The following ZNF281 variants were observed in gnomAD, a reference collection of about 807,000 sequenced individuals.
The protein encoded by ZNF281 is zinc finger protein 281.
ZNF281 carries 2 observed loss-of-function variants against 58.8 expected under a neutral mutation model. The observed-to-expected ratio is 0.03, with a 90% CI of 0.01 to 0.11. The LOEUF (loss-of-function observed/expected upper bound fraction) is 0.11, where lower values mean the gene tolerates loss of function less well. ZNF281 is among the 10% of genes least tolerant of loss of function. ZNF281 has a pLI of 1.00. For missense variants in ZNF281, 975 were observed against 1,090.7 expected, an observed-to-expected ratio of 0.89 and a Z score of 1.49; for synonymous variants, 465 against 407.7, an observed-to-expected ratio of 1.14 and a Z score of -1.69.
intron 1 of ZNF281, 58 bp from the exon 2 acceptor site, chr1:200,409,781 G>C: frequency 6.6e-7 from 1 of 1,512,742 alleles, no homozygotes; most frequent in Non-Finnish European, 8.8e-7. Context: ...CCGGGCCCCG[G>C]GCCGGGACCA....
At position 200,408,283 on chromosome 1, in the gene ZNF281, T is replaced by C. The variant is rs1385771418; in HGVS notation, c.1423A>G (p.Thr475Ala). The part of the protein sequence containing the change: ...LIFKKGSRKN[T>A]DKNYLNFVSP... ...ACAAAGTTAAGGTAGTTTTTATCTG[T>C]ATTCTTTCTGCTTCCTTTCTTAAAG... The change falls in exon 2 of 2, where the codon ACA becomes GCA. Residue 475 changes from threonine to alanine, a missense_variant. Around this residue, in one of 3 missense-constraint regions of ZNF281, gnomAD observed 579 missense variants for 608.9 expected, o/e 0.95. Transcript: ENST00000367353. 7 of 1,611,668 alleles carry C rather than the reference T, an allele frequency of 4.3e-6. No individual in the cohort carries two copies. Among genetic ancestry groups the C allele is most frequent in the Non-Finnish European group, 5.9e-6 (7 of 1,180,024 alleles).
rs1654559140 is a variant in ZNF281, at chr1:200,409,583, C to T, written c.123G>A (p.Glu41=). ...TACCCTGGGGAAAGGTGGGTTCCAT[C>T]TCTGCCCTCCTGCCGCTGCTGCCGC... The part of the protein sequence containing the change: ...GGGGSSGRRA[E]MEPTFPQGMV... Residue 41 remains glutamate, a synonymous_variant, in exon 2 of 2, where the codon GAG becomes GAA. Coordinates refer to ENST00000367353, the MANE Select transcript of ZNF281 (RefSeq NM_001281293.2). 1 of 1,549,424 alleles carries T rather than the reference C, an allele frequency of 6.5e-7. No individual in the cohort carries two copies. Among genetic ancestry groups the T allele is most frequent in the Middle Eastern group, 1.8e-4 (1 of 5,456 alleles).
In ZNF281 at chr1:200,405,729, A is replaced by T. The variant is rs1654430618; in HGVS notation, c.*1289T>A. The T allele has an allele frequency of 1.3e-5, 2 of 152,242 alleles. No individual in the cohort carries two copies. The highest frequency in any genetic ancestry group is 2.9e-5 in the Non-Finnish European group (2 of 68,036). The allele number at this position is 152,242 out of a possible 1,614,324, so 9.4% of individuals were successfully genotyped here. On this transcript the variant is annotated 3_prime_UTR_variant, in exon 2 of 2. Transcript: ENST00000367353. ...TACATTAAAGGCCGCAATTTCACAA[A>T]GAGGTTCTGATGTTATTACTATAAG...
rs926817624 is a variant in ZNF281, at chr1:200,406,708, GT to G, written c.*309del. On this transcript the variant is annotated 3_prime_UTR_variant, in exon 2 of 2. Transcript: ENST00000367353. ...TTTTTTTGTAGGTTTTTTTTTTTTG[GT>G]TTTTTTTTGTCTTTTTTTTTGCGTT... The G allele has an allele frequency of 8.2e-5, 16 of 194,988 alleles. No individual in the cohort carries two copies. The highest frequency in any genetic ancestry group is 2.4e-4 in the East Asian group (2 of 8,494). 12.1% of individuals were successfully genotyped at this position (194,988 alleles called of 1,614,324 possible). A position where few individuals can be genotyped will look rare whatever the true frequency, so the allele number is the denominator to read the frequency against.
rs1475657540 is a variant in ZNF281, at chr1:200,409,617, C to A, written c.89G>T (p.Gly30Val). 9 of 1,549,990 alleles carry A rather than the reference C, an allele frequency of 5.8e-6. No individual in the cohort carries two copies. The highest frequency in any genetic ancestry group is 4.1e-5 in the African/African-American group (3 of 72,848). The part of the protein sequence containing the change: ...SGSGGGGSGG[G>V]GGGGSSGRRA... ...CCTGCCGCTGCTGCCGCCGCCGCCG[C>A]CGCCGCCACTACCACCGCCGCCGGA... The change falls in exon 2 of 2, where the codon GGC becomes GTC. Residue 30 changes from glycine (G) to valine (V), a missense_variant. Physicochemically the swap from Gly to Val is moderately radical, Grantham distance 109. This residue lies in a region of ZNF281 where 370 missense variants were observed against 360.9 expected (regional missense o/e 1.03). Coordinates refer to ENST00000367353, the MANE Select transcript of ZNF281 (RefSeq NM_001281293.2).
Position 200,405,293 on chromosome 1 carries a change from A to C in ZNF281, c.*1725T>G, listed in dbSNP as rs1217083974. On this transcript the variant is annotated 3_prime_UTR_variant, in exon 2 of 2. Coordinates refer to ENST00000367353, the MANE Select transcript of ZNF281 (RefSeq NM_001281293.2). Reference sequence around the variant, plus strand: ...CTAAAGCTAAAGGGAGGAAAGTGGGAAAAGGAAATTAACTAATACTTTGTA... The same window carrying C: ...CTAAAGCTAAAGGGAGGAAAGTGGGCAAAGGAAATTAACTAATACTTTGTA... The C allele has an allele frequency of 6.6e-6, 1 of 152,234 alleles. No individual in the cohort carries two copies. Among genetic ancestry groups the C allele is most frequent in the African/African-American group, 2.4e-5 (1 of 41,462 alleles). 9.4% of individuals were successfully genotyped at this position (152,234 alleles called of 1,614,324 possible).
chr1:200,407,248 T>C lies in ZNF281; in HGVS notation c.2458A>G (p.Ile820Val), dbSNP rs375360921. 17 of 1,614,128 alleles carry C rather than the reference T, an allele frequency of 1.1e-5. No homozygotes were observed. The highest frequency in any genetic ancestry group is 1.4e-5 in the Non-Finnish European group (17 of 1,180,046). The change falls in exon 2 of 2, where the codon ATA (isoleucine) becomes GTA (valine). Residue 820 changes from isoleucine to valine, a missense_variant. Coordinates refer to ENST00000367353, the MANE Select transcript of ZNF281 (RefSeq NM_001281293.2). Reference sequence around the variant, plus strand: ...ATCTGATACGTTGTTCTAGGCTCTATGTCTTTCTGAGGATCTATCTGGCTA... The same window carrying C: ...ATCTGATACGTTGTTCTAGGCTCTACGTCTTTCTGAGGATCTATCTGGCTA... ...LASQIDPQKD[I>V]EPRTTYQIEN... is the part of the protein sequence containing the mutation.
rs772900836 is a variant in ZNF281, at chr1:200,408,372, G to A, written c.1334C>T (p.Ser445Phe). Residue 445 changes from serine (S) to phenylalanine (F), a missense_variant, in exon 2 of 2, where the codon TCT becomes TTT. Ser to Phe is a radical substitution (Grantham distance 155). Transcript: ENST00000367353. ...AGTGCCAATTATGCCTCCACTGGAAGACACGGTAGGCATTTCTACTGAGTA... is the reference window on the plus strand; with the variant it reads ...AGTGCCAATTATGCCTCCACTGGAAAACACGGTAGGCATTTCTACTGAGTA... ...QSYSVEMPTV[S>F]SSGGIIGTGI... The A allele has an allele frequency of 6.2e-7, 1 of 1,614,078 alleles. No individual in the cohort carries two copies. The highest frequency in any genetic ancestry group is 8.5e-7 in the Non-Finnish European group (1 of 1,180,012).
At position 200,409,379 on chromosome 1, in the gene ZNF281, C is replaced by G. The variant is rs1355040120; in HGVS notation, c.327G>C (p.Ala109=). The change falls in exon 2 of 2, where the codon GCG becomes GCC. Residue 109 remains alanine, a synonymous_variant. Transcript: ENST00000367353. ...AGGAGGTCCTCTGCGAGGGGAAGGC[C>G]GCGGCTGACGCCGCCGGCTCCTTCT... ...TFKKEPAASA[A]AFPSQRTSWG... is the part of the protein sequence containing the mutation. 1.3e-6 allele frequency: 2 copies of G among 1,525,482 alleles called. No homozygotes were observed. Among genetic ancestry groups the G allele is most frequent in the Non-Finnish European group, 1.8e-6 (2 of 1,135,718 alleles). The allele number at this position is 1,525,482 out of a possible 1,614,324, so 94.5% of individuals were successfully genotyped here.
rs1351805786 is a variant in ZNF281 at position 200,408,699 on chromosome 1, T to C, written c.1007A>G (p.Lys336Arg). The change falls in exon 2 of 2, where the codon AAG becomes AGG. Residue 336 changes from lysine (K) to arginine (R), a missense_variant. Lys to Arg is a conservative substitution (Grantham distance 26, BLOSUM62 2). Coordinates refer to ENST00000367353, the MANE Select transcript of ZNF281 (RefSeq NM_001281293.2). The part of the protein sequence containing the change: ...FIQKYHMERH[K>R]RTHSGEKPYK... ...TGGCTTTTCTCCACTATGTGTCCTC[T>C]TGTGTCTCTCCATATGGTACTTCTG... The C allele has an allele frequency of 6.2e-7, 1 of 1,614,188 alleles. No individual in the cohort carries two copies. Among genetic ancestry groups the C allele is most frequent in the Non-Finnish European group, 8.5e-7 (1 of 1,180,038 alleles).
Position 200,409,977 on chromosome 1 carries a change from T to A in ZNF281, c.-50A>T. ...CGCCGCCGCCGCAGCCGCCGTCGCC[T>A]CCAGTTAATAAAAATAACGCCGTCC... On this transcript the variant is annotated 5_prime_UTR_variant, in exon 1 of 2. Coordinates refer to ENST00000367353, the MANE Select transcript of ZNF281 (RefSeq NM_001281293.2). 1.7e-6 allele frequency: 1 copy of A among 591,134 alleles called. No individual in the cohort carries two copies. The highest frequency in any genetic ancestry group is 3.0e-6 in the Non-Finnish European group (1 of 336,234). 36.6% of individuals were successfully genotyped at this position (591,134 alleles called of 1,614,324 possible).
Position 200,409,682 on chromosome 1 carries a change from C to T in ZNF281, c.24G>A (p.Leu8=), listed in dbSNP as rs1255625429. The change falls in exon 2 of 2, where the codon CTG becomes CTA. Residue 8 remains leucine (L), a synonymous_variant. Transcript: ENST00000367353. MKIGSGF[L]SGGGGTGSSG... Reference sequence around the variant, plus strand: ...TACTGCCGGTACCTCCGCCGCCACTCAGGAACCCACTGCCGATTTTCATAC... The same window carrying T: ...TACTGCCGGTACCTCCGCCGCCACTTAGGAACCCACTGCCGATTTTCATAC... The T allele has an allele frequency of 2.5e-6, 4 of 1,580,244 alleles. No individual in the cohort carries two copies. The East Asian group carries it at 9.4e-5, about 37-fold the overall frequency.
At position 200,408,991 on chromosome 1, in the gene ZNF281, C is replaced by T; in HGVS notation, c.715G>A (p.Ala239Thr). Residue 239 changes from alanine to threonine, a missense_variant, in exon 2 of 2, where the codon GCA (alanine) becomes ACA (threonine). Ala to Thr is a moderately conservative substitution (Grantham distance 58). Transcript: ENST00000367353. The part of the protein sequence containing the change: ...QGIKAKRKPS[A>T]SSKPSLVGDG... ...CCAACCAAAGAAGGTTTGGAAGATG[C>T]ACTTGGCTTCCTCTTGGCTTTGATT... 3 of 1,614,246 alleles carry T rather than the reference C, an allele frequency of 1.9e-6. No homozygotes were observed. The highest frequency in any genetic ancestry group is 1.1e-5 in the South Asian group (1 of 91,088).
In ZNF281 at chr1:200,408,489, G is replaced by C; in HGVS notation, c.1217C>G (p.Thr406Arg). The change falls in exon 2 of 2, where the codon ACA (threonine) becomes AGA (arginine). Residue 406 changes from threonine (T) to arginine (R), a missense_variant. Physicochemically the swap from Thr to Arg is moderately conservative, Grantham distance 71. Around this residue, in one of 3 missense-constraint regions of ZNF281, gnomAD observed 579 missense variants for 608.9 expected, o/e 0.95. Coordinates refer to ENST00000367353, the MANE Select transcript of ZNF281 (RefSeq NM_001281293.2). ...TTCAATAGCTATGCTTTTTGACTTT[G>C]TTTTTCTCCTTGAAGAACTTGTATT... is the stretch of plus-strand genomic sequence containing the variant. ...QGNTSSSRRKTKSKSIAIENK... is the reference protein window; with the variant it reads ...QGNTSSSRRKRKSKSIAIENK... The C allele has an allele frequency of 6.2e-7, 1 of 1,614,132 alleles. No homozygotes were observed. The highest frequency in any genetic ancestry group is 8.5e-7 in the Non-Finnish European group (1 of 1,180,022).
chr1:200,409,738 A>C lies in ZNF281; in HGVS notation c.-18-15T>G, dbSNP rs1558006551. The C allele has an allele frequency of 1.3e-6, 2 of 1,589,286 alleles. No homozygotes were observed. Among genetic ancestry groups the C allele is most frequent in the Admixed American group, 3.4e-5 (2 of 58,264 alleles). On this transcript the variant is annotated splice_polypyrimidine_tract_variant and intron_variant, in intron 1 of 1. Transcript: ENST00000367353. ...AGGAGGCCTGGCTGAAGAAAGGAGG[A>C]GGAAGAGGGAAGAGGGAGGAAAGGA...
Position 200,409,622 on chromosome 1 carries a change from G to GCCGCCGCCT in ZNF281, c.83_84insAGGCGGCGG (p.Gly32_Gly34dup), listed in dbSNP as rs1234504417. 1 of 1,550,084 alleles carries GCCGCCGCCT rather than the reference G, an allele frequency of 6.5e-7. No homozygotes were observed. Among genetic ancestry groups the GCCGCCGCCT allele is most frequent in the Admixed American group, 2.0e-5 (1 of 51,222 alleles). On this transcript the variant is annotated inframe_insertion, in exon 2 of 2. Transcript: ENST00000367353. ...CGCTGCTGCCGCCGCCGCCGCCGCC[G>GCCGCCGCCT]CCACTACCACCGCCGCCGGAGCCGC...
chr1:200,408,238 C>A lies in ZNF281; in HGVS notation c.1468G>T (p.Val490Leu). 6.2e-7 allele frequency: 1 copy of A among 1,612,290 alleles called. No homozygotes were observed. The highest frequency in any genetic ancestry group is 8.5e-7 in the Non-Finnish European group (1 of 1,180,024). Residue 490 changes from valine to leucine, a missense_variant, in exon 2 of 2, where the codon GTA becomes TTA. Physicochemically the swap from Val to Leu is conservative, Grantham distance 32 (BLOSUM62 1). Around this residue, in one of 3 missense-constraint regions of ZNF281, gnomAD observed 579 missense variants for 608.9 expected, o/e 0.95. Transcript: ENST00000367353. ...LNFVSPLPDI[V>L]GQKSLSGKPS... is the part of the protein sequence containing the mutation. ...TTTCCAGACAAGGATTTCTGTCCTACTATGTCTGGTAATGGTGACACAAAG... is the reference window on the plus strand; with the variant it reads ...TTTCCAGACAAGGATTTCTGTCCTAATATGTCTGGTAATGGTGACACAAAG...
chr1:200,409,885 G>C, intron 1 of ZNF281, 61 bp downstream of exon 1: 3 of 941,888 alleles, frequency 3.2e-6, no homozygotes, highest in Non-Finnish European at 4.6e-6. Context: ...CGGCACGCAT[G>C]GTCCTGCGAC....
Position 200,407,146 on chromosome 1 carries a change from T to C in ZNF281, c.2560A>G (p.Asn854Asp). 1 of 1,614,156 alleles carries C rather than the reference T, an allele frequency of 6.2e-7. No individual in the cohort carries two copies. The highest frequency in any genetic ancestry group is 8.5e-7 in the Non-Finnish European group (1 of 1,180,016). ...CTTACTCTATGGTCCACTTCTCCATTAGAGTTAGTGATAAAGGTCATTGGC... is the reference window on the plus strand; with the variant it reads ...CTTACTCTATGGTCCACTTCTCCATCAGAGTTAGTGATAAAGGTCATTGGC... The part of the protein sequence containing the change: ...RVPMTFITNS[N>D]GEVDHRVRTS... Residue 854 changes from asparagine (N) to aspartate (D), a missense_variant, in exon 2 of 2, where the codon AAT (asparagine) becomes GAT (aspartate). Asn to Asp is a conservative substitution (Grantham distance 23). Transcript: ENST00000367353.
Sources: gnomAD v4.1 joint callset for allele counts on GRCh38, gnomAD v4.1.1 for gene constraint, gnomAD v4.1.1 regional missense constraint, MANE v1.5 for transcripts, NCBI Gene and HGNC (gene_info 2026-07-23, HGNC 2026-07-21) for gene names.